Variants in AGMO observed in about 807,000 individuals in gnomAD.
AGMO encodes glyceryl-ether monooxygenase.
Under a neutral mutation model 60.2 loss-of-function variants are expected in AGMO, and 75 were observed. The observed-to-expected ratio is 1.25, with a 90% confidence interval of 1.03 to 1.51. The LOEUF (loss-of-function observed/expected upper bound fraction) is 1.51, where lower values mean the gene tolerates loss of function less well. Among genes scored for constraint, AGMO ranks in the 40% most tolerant of loss-of-function variants. The probability of loss-of-function intolerance (pLI) is 0.00; values close to 1 mark genes in which losing one functional copy is unlikely to be tolerated. For missense variants in AGMO, 763 were observed against 525.5 expected (o/e 1.45, Z -4.42); for synonymous variants, 261 against 177.1 (o/e 1.47, Z -3.76).
At chr7:15,531,037 T>A (rs1261748475) in intron 3 of AGMO, among the ~76,000 whole-genome samples, 3 of 89,500 alleles carry the variant, frequency 3.4e-5, no homozygotes, top group African/African-American at 1.3e-4. Flanking sequence ...CCATATATAT[T>A]CTATATATAT....
chr7:15,394,090 G>A (rs748183815), intron 6 of AGMO, 23 bp downstream of exon 6: 2 of 1,565,858 alleles, frequency 1.3e-6, no homozygotes, highest in Admixed American at 1.7e-5. Flanking sequence ...GAAGAAAAGA[G>A]AGAAGAAACA....
intron 12 of AGMO, among the ~76,000 whole-genome samples, chr7:15,345,000 C>A (rs1781982194): frequency 6.6e-6 from 1 of 152,142 alleles, no homozygotes; most frequent in African/African-American, 2.4e-5. Context: ...CTTACAGTGA[C>A]TGTCCTCGTT....
intron 12 of AGMO, among the ~76,000 whole-genome samples, chr7:15,293,814 T>A (rs1325773803): frequency 2.0e-5 from 3 of 152,204 alleles, no homozygotes; most frequent in Non-Finnish European, 2.9e-5. Context: ...ATTGTCTTCA[T>A]CATCCCCAAT....
chr7:15,248,241 T>A (rs1167767456), intron 12 of AGMO, among the ~76,000 whole-genome samples: 1 of 126,466 alleles, frequency 7.9e-6, no homozygotes, highest in Non-Finnish European at 1.7e-5. Context: ...TCTTCAATTC[T>A]AGTCTAAAAA....
intron 12 of AGMO, among the ~76,000 whole-genome samples, chr7:15,321,245 ATAC>A (rs1317857055): frequency 6.6e-6 from 1 of 152,138 alleles, no homozygotes; most frequent in Non-Finnish European, 1.5e-5. Context: ...ATACACATAC[ATAC>A]GTATATAGAT....
In AGMO at chr7:15,385,522, T is replaced by C. The variant is rs763654479; in HGVS notation, c.998A>G (p.Gln333Arg). ...TACAACTGTATATATCTTTAATAGC[T>C]GAGATGAAGATGATGAGAAGGGAAC... ...KEVPFSSSSS[Q>R]LLKIYTVVQF... is the part of the protein sequence containing the mutation. Residue 333 changes from glutamine to arginine, a missense_variant, in exon 10 of 13, where the codon CAG becomes CGG. Physicochemically the swap from Gln to Arg is conservative, Grantham distance 43. Transcript: ENST00000342526. 3.1e-6 allele frequency: 5 copies of C among 1,612,842 alleles called. No homozygotes were observed. The South Asian group carries it at 3.3e-5, about 11-fold the overall frequency.
intron 12 of AGMO, among the ~76,000 whole-genome samples, chr7:15,362,414 C>G (rs1255333680): frequency 6.6e-6 from 1 of 152,094 alleles, no homozygotes; most frequent in Non-Finnish European, 1.5e-5. Flanking sequence ...CAAGTTTAAT[C>G]ATTAATGGCT....
intron 12 of AGMO, among the ~76,000 whole-genome samples, chr7:15,286,541 A>C (rs1160766368): frequency 6.6e-6 from 1 of 151,916 alleles, no homozygotes; most frequent in Non-Finnish European, 1.5e-5. Context: ...TCACCCATGC[A>C]AGTGTGGTCA....
intron 9 of AGMO, among the ~76,000 whole-genome samples, 165 bp downstream of exon 9, chr7:15,387,241 A>T (rs4272265): frequency 0.54 from 82,402 of 152,078 alleles, 22,943 homozygotes; most frequent in African/African-American, 0.67. Context: ...AATTGGCACA[A>T]AGTTGGTGGA....
chr7:15,394,039 A>T lies in AGMO; in HGVS notation c.676+74T>A, dbSNP rs147049004. On this transcript the variant is annotated intron_variant, in intron 6 of 12. Coordinates refer to ENST00000342526, the MANE Select transcript of AGMO (RefSeq NM_001004320.2). ...TGACTATATTGGGAAATTGTGATTA[A>T]ATGAGATTAAGGAAAATAATAATGC... 6.3e-4 allele frequency: 694 copies of T among 1,109,230 alleles called. 10 individuals are homozygous for T. In the East Asian group the frequency reaches 0.015, roughly 24 times the overall value. The allele number at this position is 1,109,230 out of a possible 1,614,324, so 68.7% of individuals were successfully genotyped here.
chr7:15,417,042 C>A (rs6963797), intron 5 of AGMO, among the ~76,000 whole-genome samples: 27,782 of 152,088 alleles, frequency 0.18, 2,628 homozygotes, highest in African/African-American at 0.22. Flanking sequence ...ACGAATGTAA[C>A]TACACGGTTG....
chr7:15,207,651 T>C (rs1010362765), intron 12 of AGMO, among the ~76,000 whole-genome samples: 2 of 152,196 alleles, frequency 1.3e-5, no homozygotes, highest in Non-Finnish European at 2.9e-5. Context: ...AAAGTGAAAA[T>C]AGGCCGGGCG....
At chr7:15,436,209 A>G (rs1781400056) in intron 3 of AGMO, among the ~76,000 whole-genome samples, 1 of 152,210 alleles carries the variant, frequency 6.6e-6, no homozygotes, top group Admixed American at 6.5e-5. Context: ...GCTATGCCTT[A>G]GTCCATTTTG....
Position 15,385,456 on chromosome 7 carries a change from G to T in AGMO, c.1064C>A (p.Ala355Glu), listed in dbSNP as rs2128483011. The change falls in exon 10 of 13, where the codon GCA becomes GAA. Residue 355 changes from alanine (A) to glutamate (E), a missense_variant. Ala to Glu is a moderately radical substitution (Grantham distance 107, BLOSUM62 -1). Transcript: ENST00000342526. ...LMLAFYEETF[A>E]DTAALSQVTL... ...ATGGATATTACTTACAGCTGTATCT[G>T]CAAAGGTCTCTTCATAAAATGCCAA... 15 of 1,580,284 alleles carry T rather than the reference G, an allele frequency of 9.5e-6. No individual in the cohort carries two copies. The highest frequency in any genetic ancestry group is 1.3e-5 in the Non-Finnish European group (15 of 1,150,070).
chr7:15,126,313 G>A, the AGMO span, among the ~76,000 whole-genome samples: 2 of 152,044 alleles, frequency 1.3e-5, no homozygotes, highest in Admixed American at 6.6e-5. Context: ...AGCCTACACT[G>A]TGAAGTTAAA....
intron 10 of AGMO, among the ~76,000 whole-genome samples, chr7:15,370,676 T>C (rs936938144): frequency 1.3e-5 from 2 of 152,178 alleles, no homozygotes; most frequent in African/African-American, 4.8e-5. Context: ...TGTTGGATAC[T>C]TGTATGTCTG....
At chr7:15,231,016 T>C (rs568266284) in intron 12 of AGMO, among the ~76,000 whole-genome samples, 4 of 152,308 alleles carry the variant, frequency 2.6e-5, no homozygotes, top group African/African-American at 9.6e-5. Flanking sequence ...GCTATTTTAA[T>C]TCAGGGTGGC....
chr7:15,272,248 T>C (rs181848654), intron 12 of AGMO, among the ~76,000 whole-genome samples: 4 of 151,080 alleles, frequency 2.6e-5, no homozygotes, highest in Non-Finnish European at 4.4e-5. Flanking sequence ...CCATTTACAT[T>C]AGGTATATCT....
chr7:15,404,024 T>C (rs1468705878), intron 5 of AGMO, among the ~76,000 whole-genome samples: 2 of 151,938 alleles, frequency 1.3e-5, no homozygotes, highest in Non-Finnish European at 2.9e-5. Context: ...TCAGTAAGCA[T>C]GTAATATGGA....
Sources: allele counts gnomAD v4.1 joint callset (sites outside exome capture counted in the v4.1 genomes callset), GRCh38; gene constraint gnomAD v4.1.1; transcripts MANE v1.5; gene names NCBI Gene and HGNC (gene_info 2026-07-23, HGNC 2026-07-21).